ONECUT2: variants seen among roughly 807,000 people sequenced by gnomAD.
ONECUT2 encodes the protein one cut homeobox 2.
Under a neutral mutation model 27.9 loss-of-function variants are expected in ONECUT2, and 10 were observed. The ratio of observed to expected loss-of-function variants is 0.36; its 90% CI spans 0.22 to 0.61. ONECUT2 has a LOEUF of 0.61. Ranked by LOEUF, ONECUT2 falls within the 20% of genes least tolerant of loss-of-function variation. The pLI is 0.73. For missense variants in ONECUT2, 686 were observed against 721.0 expected (o/e 0.95, Z 0.56); for synonymous variants, 334 against 315.1 (o/e 1.06, Z -0.64).
chr18:57,453,623 T>C (rs1014655753), intron 1 of ONECUT2, among the ~76,000 whole-genome samples: 2 of 674 alleles, frequency 3.0e-3, no homozygotes, highest in Non-Finnish European at 0.014. Flanking sequence ...TGCAGGCTGG[T>C]TTATTCAGAT....
intron 1 of ONECUT2, among the ~76,000 whole-genome samples, chr18:57,468,289 C>T (rs1000141172): frequency 2.0e-5 from 3 of 152,166 alleles, no homozygotes; most frequent in Non-Finnish European, 2.9e-5. Flanking sequence ...CAGCTCTCAA[C>T]CTTGAAACAA....
Position 57,482,898 on chromosome 18 carries a change from C to A in ONECUT2, c.*6175C>A, listed in dbSNP as rs995965708. 6.6e-6 allele frequency: 1 copy of A among 152,520 alleles called. No individual in the cohort carries two copies. The highest frequency in any genetic ancestry group is 2.4e-5 in the African/African-American group (1 of 41,408). 9.4% of individuals were successfully genotyped at this position (152,520 alleles called of 1,614,324 possible). A position where few individuals can be genotyped will look rare whatever the true frequency, so the allele number is the denominator to read the frequency against. ...TTATTTATTGTAACATTGAAAACCA[C>A]AGTGCAGGGAAAACAAAAGTATCCC... On this transcript the variant is annotated 3_prime_UTR_variant, in exon 2 of 2. Transcript: ENST00000491143.
At chr18:57,437,763 G>T (rs1475249123) in intron 1 of ONECUT2, among the ~76,000 whole-genome samples, 1 of 152,248 alleles carries the variant, frequency 6.6e-6, no homozygotes, top group Non-Finnish European at 1.5e-5. Context: ...TCCTTGCCCC[G>T]GTCCCAGCGT....
chr18:57,480,710 C>G lies in ONECUT2; in HGVS notation c.*3987C>G, dbSNP rs939467374. ...TACATATATAAATATATATGTGTAT[C>G]TATACAGTTATGTATCAAAATTTTA... On this transcript the variant is annotated 3_prime_UTR_variant, in exon 2 of 2. Transcript: ENST00000491143. 2.0e-4 allele frequency: 30 copies of G among 152,138 alleles called. No individual in the cohort carries two copies. The highest frequency in any genetic ancestry group is 6.5e-4 in the African/African-American group (27 of 41,506). The allele number at this position is 152,138 out of a possible 1,614,324, so 9.4% of individuals were successfully genotyped here. A position where few individuals can be genotyped will look rare whatever the true frequency, so the allele number is the denominator to read the frequency against.
In ONECUT2 at chr18:57,476,687, C is replaced by T; in HGVS notation, c.1479C>T (p.Gly493=). The change falls in exon 2 of 2, where the codon GGC becomes GGT. Residue 493 remains glycine (G), a synonymous_variant. Coordinates refer to ENST00000491143, the MANE Select transcript of ONECUT2 (RefSeq NM_004852.3). Reference sequence around the variant, plus strand: ...GGCAAGACGATCTGAGCACAGGGGGCTCCTCGTCCACCTCCAGCACGTGTA... The same window carrying T: ...GGCAAGACGATCTGAGCACAGGGGGTTCCTCGTCCACCTCCAGCACGTGTA... ...EKWQDDLSTG[G]SSSTSSTCTK... 6.2e-7 allele frequency: 1 copy of T among 1,614,174 alleles called. No homozygotes were observed. The highest frequency in any genetic ancestry group is 8.5e-7 in the Non-Finnish European group (1 of 1,180,038).
intron 1 of ONECUT2, among the ~76,000 whole-genome samples, chr18:57,450,546 A>G (rs1427673142): frequency 1.3e-5 from 2 of 152,232 alleles, no homozygotes; most frequent in Non-Finnish European, 2.9e-5. Flanking sequence ...TTTAAAATGG[A>G]TTTCTATGTT....
At chr18:57,445,007 T>C (rs2050193885) in intron 1 of ONECUT2, among the ~76,000 whole-genome samples, 1 of 152,176 alleles carries the variant, frequency 6.6e-6, no homozygotes, top group Non-Finnish European at 1.5e-5. Context: ...AAAGACAAAA[T>C]AGATGCATTT....
chr18:57,443,910 CTTTG>C (rs1415178375), intron 1 of ONECUT2, among the ~76,000 whole-genome samples: 3 of 152,196 alleles, frequency 2.0e-5, no homozygotes, highest in African/African-American at 2.4e-5. Flanking sequence ...AGAAAGCAGA[CTTTG>C]TTTGGGTTGG....
At chr18:57,474,713 A>G (rs560348813) in intron 1 of ONECUT2, among the ~76,000 whole-genome samples, 1 of 152,254 alleles carries the variant, frequency 6.6e-6, no homozygotes, top group East Asian at 1.9e-4. Flanking sequence ...TTTTGGGGGG[A>G]CATAAACATT....
At chr18:57,467,102 C>A (rs2050325357) in intron 1 of ONECUT2, 10 of 451,278 alleles carry the variant, frequency 2.2e-5, no homozygotes, top group South Asian at 1.4e-4. Context: ...GAGTCCCCTT[C>A]AGTGACTTTG....
Position 57,436,394 on chromosome 18 carries a change from G to A in ONECUT2, c.678G>A (p.Pro226=), listed in dbSNP as rs373883417. ...CCGGCATGAGCCAGAGCCTGTCCCC[G>A]CTGGCCGCCACGCCGCTGGGCAACG... ...EMPGMSQSLS[P]LAATPLGNGL... is the part of the protein sequence containing the mutation. The change falls in exon 1 of 2, where the codon CCG becomes CCA. Residue 226 remains proline, a synonymous_variant. Transcript: ENST00000491143. This position sits in a 1 kb window ranked among gnomAD's most constrained non-coding sequence, Gnocchi z 5.9. The A allele has an allele frequency of 2.1e-5, 34 of 1,609,632 alleles. No individual in the cohort carries two copies. Among genetic ancestry groups the A allele is most frequent in the Non-Finnish European group, 2.8e-5 (33 of 1,179,790 alleles).
intron 1 of ONECUT2, among the ~76,000 whole-genome samples, chr18:57,456,729 G>T: frequency 6.6e-6 from 1 of 152,238 alleles, no homozygotes; most frequent in East Asian, 1.9e-4. Flanking sequence ...GGTAAATTTT[G>T]TTGTGTATAT....
At chr18:57,448,446 T>C (rs980800084) in intron 1 of ONECUT2, among the ~76,000 whole-genome samples, 25 of 152,220 alleles carry the variant, frequency 1.6e-4, no homozygotes, top group African/African-American at 5.8e-4. Context: ...AAAAAAATTG[T>C]TTCTGTGTGT....
At chr18:57,470,521 T>C (rs2050347436) in intron 1 of ONECUT2, among the ~76,000 whole-genome samples, 1 of 152,164 alleles carries the variant, frequency 6.6e-6, no homozygotes, top group Non-Finnish European at 1.5e-5. Context: ...CCACTGGGAC[T>C]CACCTCACTG....
intron 1 of ONECUT2, among the ~76,000 whole-genome samples, chr18:57,456,762 ATTGT>A (rs775112519): frequency 2.0e-5 from 3 of 152,342 alleles, no homozygotes; most frequent in Admixed American, 6.5e-5. Context: ...TCAAAGAAAG[ATTGT>A]TTGTTATTTA....
At chr18:57,473,175 G>T (rs553959555) in intron 1 of ONECUT2, among the ~76,000 whole-genome samples, 73 of 152,282 alleles carry the variant, frequency 4.8e-4, no homozygotes, top group Non-Finnish European at 8.1e-4. Context: ...CCCAGAGGCT[G>T]CCCTGCAAAG....
chr18:57,464,436 T>TA (rs2050309133), intron 1 of ONECUT2, among the ~76,000 whole-genome samples: 1 of 152,218 alleles, frequency 6.6e-6, no homozygotes, highest in Non-Finnish European at 1.5e-5. Context: ...CATTTCTTTC[T>TA]AGTATTTTTT....
intron 1 of ONECUT2, among the ~76,000 whole-genome samples, chr18:57,447,320 C>G (rs1331256667): frequency 6.6e-6 from 1 of 152,300 alleles, no homozygotes; most frequent in Admixed American, 6.5e-5. Flanking sequence ...GCTGTTTGAG[C>G]GAATTGGAGA....
Position 57,487,888 on chromosome 18 carries a change from G to T in ONECUT2, c.*11165G>T, listed in dbSNP as rs928607775. The T allele has an allele frequency of 6.6e-6, 1 of 152,072 alleles. No homozygotes were observed. Among genetic ancestry groups the T allele is most frequent in the African/African-American group, 2.4e-5 (1 of 41,386 alleles). 9.4% of individuals were successfully genotyped at this position (152,072 alleles called of 1,614,324 possible). A position where few individuals can be genotyped will look rare whatever the true frequency, so the allele number is the denominator to read the frequency against. On this transcript the variant is annotated 3_prime_UTR_variant, in exon 2 of 2. Transcript: ENST00000491143. ...GCAAACTTGTTCTTTCTTATACTTG[G>T]GTTCAAAGACCCATTCTCCAGTTTC...
Sources: allele counts gnomAD v4.1 joint callset (sites outside exome capture counted in the v4.1 genomes callset), GRCh38; gene constraint gnomAD v4.1.1; non-coding constraint Gnocchi (gnomAD v3.1); transcripts MANE v1.5; gene names NCBI Gene and HGNC (gene_info 2026-07-23, HGNC 2026-07-21).